GMDS: variants seen among roughly 807,000 people sequenced by gnomAD.
The protein encoded by GMDS is GDP-mannose 4,6-dehydratase.
Under a neutral mutation model 49.9 loss-of-function variants are expected in GMDS, and 20 were observed. That is an observed-to-expected ratio of 0.40 (90% CI 0.28 to 0.58). The LOEUF is 0.58. GMDS is among the 20% of genes least tolerant of loss of function. The pLI is 0.42. For missense variants in GMDS, 362 were observed against 481.4 expected (o/e 0.75, Z 2.32); for synonymous variants, 177 against 178.6 (o/e 0.99, Z 0.07).
At chr6:2,109,529 C>T (rs1774428713) in intron 4 of GMDS, among the ~76,000 whole-genome samples, 1 of 152,168 alleles carries the variant, frequency 6.6e-6, no homozygotes, top group African/African-American at 2.4e-5. Flanking sequence ...GGCTAAGTGC[C>T]CTCTTAGGGT....
chr6:1,626,057 G>T (rs1199032594), intron 9 of GMDS: 1 of 152,216 alleles, frequency 6.6e-6, no homozygotes, highest in East Asian at 1.9e-4. Flanking sequence ...ATTTGTTCTA[G>T]ATTCATGATG....
chr6:1,665,731 G>T (rs1020950701), intron 9 of GMDS, among the ~76,000 whole-genome samples: 5 of 151,380 alleles, frequency 3.3e-5, no homozygotes, highest in African/African-American at 1.2e-4. Context: ...GGCCACAACT[G>T]GATGAAGGAG....
chr6:1,755,587 A>G (rs963364781), intron 7 of GMDS, among the ~76,000 whole-genome samples: 3 of 152,210 alleles, frequency 2.0e-5, no homozygotes, highest in African/African-American at 7.2e-5. Context: ...AGCAAAAAGA[A>G]CAAAGCTGGA....
At chr6:2,097,632 C>G (rs919604398) in intron 4 of GMDS, among the ~76,000 whole-genome samples, 11 of 152,076 alleles carry the variant, frequency 7.2e-5, no homozygotes, top group African/African-American at 2.7e-4. Flanking sequence ...TGAAAGAATT[C>G]CAAGCAATCC....
At chr6:1,974,558 G>A (rs775097716) in intron 4 of GMDS, among the ~76,000 whole-genome samples, 1 of 152,126 alleles carries the variant, frequency 6.6e-6, no homozygotes, top group African/African-American at 2.4e-5. Flanking sequence ...GTCTCAAACT[G>A]ATGTTTGAGA....
intron 7 of GMDS, among the ~76,000 whole-genome samples, chr6:1,790,344 G>A (rs1769486586): frequency 6.6e-6 from 1 of 152,178 alleles, no homozygotes; most frequent in Non-Finnish European, 1.5e-5. Flanking sequence ...GTTAGGCATG[G>A]TCTTACCACA....
At chr6:1,954,419 T>C (rs1246588981) in intron 6 of GMDS, among the ~76,000 whole-genome samples, 1 of 152,250 alleles carries the variant, frequency 6.6e-6, no homozygotes, top group African/African-American at 2.4e-5. Flanking sequence ...CTGCAATCAC[T>C]GACTCTTCCT....
intron 4 of GMDS, among the ~76,000 whole-genome samples, chr6:1,972,392 T>C (rs748125195): frequency 1.3e-5 from 2 of 151,706 alleles, no homozygotes; most frequent in Non-Finnish European, 2.9e-5. Context: ...TACAGAAAAA[T>C]CTGTCATGAT....
At chr6:1,999,977 T>TA (rs1561961697) in intron 4 of GMDS, among the ~76,000 whole-genome samples, 35 of 22,566 alleles carry the variant, frequency 1.6e-3, no homozygotes, top group Non-Finnish European at 2.2e-3. Context: ...ATATTATATA[T>TA]ATATTTTATA....
At chr6:2,159,693 A>G (rs1777294625) in intron 1 of GMDS, among the ~76,000 whole-genome samples, 1 of 151,060 alleles carries the variant, frequency 6.6e-6, no homozygotes, top group Admixed American at 6.6e-5. Flanking sequence ...TAATTTTGGT[A>G]TTTTTACTAG....
chr6:1,922,826 C>T (rs911162228), intron 7 of GMDS, among the ~76,000 whole-genome samples: 2 of 152,168 alleles, frequency 1.3e-5, no homozygotes, highest in East Asian at 1.9e-4. Flanking sequence ...GAGCCATTTC[C>T]GTTGCTAAAT....
intron 7 of GMDS, among the ~76,000 whole-genome samples, chr6:1,919,040 T>C (rs1761570653): frequency 6.6e-6 from 1 of 152,214 alleles, no homozygotes; most frequent in Non-Finnish European, 1.5e-5. Context: ...ACACATTTCA[T>C]ATATACAGAT....
chr6:2,055,138 G>A (rs1770706385), intron 4 of GMDS, among the ~76,000 whole-genome samples: 1 of 152,016 alleles, frequency 6.6e-6, no homozygotes, highest in Non-Finnish European at 1.5e-5. Context: ...TAAAGATAGA[G>A]CGATAAAAAC....
intron 9 of GMDS, among the ~76,000 whole-genome samples, chr6:1,661,909 G>A (rs1161112631): frequency 6.6e-6 from 1 of 152,206 alleles, no homozygotes; most frequent in African/African-American, 2.4e-5. Flanking sequence ...GAAGCATGGA[G>A]GAGGCTATCA....
chr6:1,782,427 C>G (rs1432424311), intron 7 of GMDS, among the ~76,000 whole-genome samples: 2 of 152,216 alleles, frequency 1.3e-5, no homozygotes, highest in African/African-American at 4.8e-5. Context: ...TCAGAGGCCA[C>G]AAGAAGCTTC....
chr6:2,166,792 A>C (rs1777692249), intron 1 of GMDS, among the ~76,000 whole-genome samples: 1 of 152,204 alleles, frequency 6.6e-6, no homozygotes, highest in Admixed American at 6.5e-5. Flanking sequence ...GCCAATGCTA[A>C]TTGTTCTCCC....
intron 7 of GMDS, among the ~76,000 whole-genome samples, chr6:1,756,932 CA>C (rs1767973933): frequency 1.3e-5 from 2 of 152,130 alleles, no homozygotes; most frequent in African/African-American, 4.8e-5. Context: ...CAAATTCAAA[CA>C]AAGGGGAAAC....
At chr6:2,050,572 C>T (rs555825860) in intron 4 of GMDS, among the ~76,000 whole-genome samples, 7 of 152,088 alleles carry the variant, frequency 4.6e-5, no homozygotes, top group Admixed American at 1.3e-4. Flanking sequence ...AGAGACACAA[C>T]GAAAAAAGAG....
At chr6:1,998,873 C>CT (rs202033146) in intron 4 of GMDS, among the ~76,000 whole-genome samples, 1 of 114,680 alleles carries the variant, frequency 8.7e-6, no homozygotes, top group Admixed American at 8.2e-5. Flanking sequence ...TAAAGGAAAA[C>CT]TGTTTTTTTT....
Sources: allele counts gnomAD v4.1 joint callset (sites outside exome capture counted in the v4.1 genomes callset), GRCh38; gene constraint gnomAD v4.1.1; transcripts MANE v1.5; gene names NCBI Gene and HGNC (gene_info 2026-07-23, HGNC 2026-07-21).